The following RAPGEF4 variants were observed in gnomAD, a reference collection of about 807,000 sequenced individuals.
RAPGEF4 encodes the protein Rap guanine nucleotide exchange factor 4.
In RAPGEF4, 66 loss-of-function variants were observed where a neutral mutation model predicts 147.9. The ratio of observed to expected loss-of-function variants is 0.45; its 90% CI spans 0.37 to 0.55. The LOEUF (loss-of-function observed/expected upper bound fraction) is 0.55, where lower values mean the gene tolerates loss of function less well. Ranked by LOEUF, RAPGEF4 falls within the 20% of genes least tolerant of loss-of-function variation. The pLI is 0.00. For synonymous variants in RAPGEF4, 419 were observed against 442.7 expected (o/e 0.95, Z 0.67); for missense variants, 1,071 against 1,257.3 (o/e 0.85, Z 2.24).
chr2:172,794,360 AAAAAAG>A (rs1489450854), intron 1 of RAPGEF4, among the ~76,000 whole-genome samples: 11 of 150,452 alleles, frequency 7.3e-5, no homozygotes, highest in African/African-American at 1.5e-4. Flanking sequence ...AAAAAAAAAA[AAAAAAG>A]AAAAAAGAAA....
At chr2:172,937,037 C>CAA (rs34104170) in intron 6 of RAPGEF4, among the ~76,000 whole-genome samples, 24,046 of 52,356 alleles carry the variant, frequency 0.46, 7,589 homozygotes, top group East Asian at 0.57. Flanking sequence ...CCTCTCTCTG[C>CAA]AAAAAAAAAA....
intron 4 of RAPGEF4, among the ~76,000 whole-genome samples, chr2:172,847,566 A>C (rs999091090): frequency 1.1e-4 from 16 of 152,138 alleles, no homozygotes; most frequent in Non-Finnish European, 8.8e-5. Context: ...CACTGGGCTG[A>C]AGGTGGAAGT....
At chr2:172,846,693 C>T (rs1463872513) in intron 4 of RAPGEF4, among the ~76,000 whole-genome samples, 1 of 152,164 alleles carries the variant, frequency 6.6e-6, no homozygotes, top group Non-Finnish European at 1.5e-5. Context: ...GAATATGGTC[C>T]TGCATTCTTG....
intron 4 of RAPGEF4, among the ~76,000 whole-genome samples, chr2:172,851,884 A>G (rs1308156890): frequency 6.6e-6 from 1 of 152,200 alleles, no homozygotes; most frequent in African/African-American, 2.4e-5. Flanking sequence ...ATGAAATAAT[A>G]TATACATCAA....
At chr2:172,845,112 C>T (rs1279405969) in intron 4 of RAPGEF4, among the ~76,000 whole-genome samples, 1 of 152,174 alleles carries the variant, frequency 6.6e-6, no homozygotes, top group East Asian at 1.9e-4. Flanking sequence ...GGAAGTGTCA[C>T]TGACTGTAGT....
intron 1 of RAPGEF4, among the ~76,000 whole-genome samples, chr2:172,768,970 C>A (rs539417806): frequency 6.6e-6 from 1 of 152,302 alleles, no homozygotes; most frequent in Non-Finnish European, 1.5e-5. Context: ...GAGCATGCCA[C>A]CCACAGAAGC....
intron 4 of RAPGEF4, among the ~76,000 whole-genome samples, chr2:172,902,169 G>A (rs1354413193): frequency 6.6e-6 from 1 of 152,158 alleles, no homozygotes; most frequent in Admixed American, 6.5e-5. Context: ...GAATGAATAG[G>A]GGAGGCGAGT....
intron 4 of RAPGEF4, among the ~76,000 whole-genome samples, chr2:172,893,500 C>T (rs1159572578): frequency 1.3e-5 from 2 of 152,146 alleles, no homozygotes; most frequent in Non-Finnish European, 2.9e-5. Context: ...ATGGCTGCCC[C>T]GAATCATGGG....
At chr2:172,992,746 A>C (rs1021160375) in intron 15 of RAPGEF4, among the ~76,000 whole-genome samples, 12 of 152,158 alleles carry the variant, frequency 7.9e-5, no homozygotes, top group Non-Finnish European at 1.6e-4. Context: ...TCCAATCCAA[A>C]TTTCTTCCGC....
At chr2:172,806,488 A>G (rs1415137316) in intron 3 of RAPGEF4, among the ~76,000 whole-genome samples, 1 of 152,242 alleles carries the variant, frequency 6.6e-6, no homozygotes, top group African/African-American at 2.4e-5. Context: ...GAGCTGATGT[A>G]TGTAAAGCAC....
intron 29 of RAPGEF4, among the ~76,000 whole-genome samples, chr2:173,043,468 T>G (rs1575592423): frequency 6.6e-6 from 1 of 151,862 alleles, no homozygotes; most frequent in Non-Finnish European, 1.5e-5. Flanking sequence ...GAGCGGGAGG[T>G]CCTAGAGTGG....
intron 17 of RAPGEF4, among the ~76,000 whole-genome samples, chr2:173,008,849 T>C (rs922769133): frequency 6.6e-6 from 1 of 152,294 alleles, no homozygotes; most frequent in Non-Finnish European, 1.5e-5. Context: ...GGTAAAAATA[T>C]ATGAAATAAT....
chr2:172,940,770 C>T (rs904204746), intron 6 of RAPGEF4, among the ~76,000 whole-genome samples: 2 of 152,080 alleles, frequency 1.3e-5, no homozygotes, highest in African/African-American at 4.8e-5. Context: ...GAATAGATTC[C>T]TGGGATTTCG....
intron 25 of RAPGEF4, 146 bp from the exon 26 acceptor site, chr2:173,030,018 C>T: frequency 1.8e-6 from 1 of 565,648 alleles, no homozygotes; most frequent in Non-Finnish European, 3.2e-6. Context: ...CCAAGTGGAA[C>T]TTTTACAGTA....
intron 6 of RAPGEF4, among the ~76,000 whole-genome samples, chr2:172,960,245 G>C (rs1361173794): frequency 6.6e-6 from 1 of 152,172 alleles, no homozygotes; most frequent in Non-Finnish European, 1.5e-5. Context: ...AGGAGCTTGA[G>C]TGCATAGAAC....
At chr2:172,892,980 A>T (rs1365452178) in intron 4 of RAPGEF4, among the ~76,000 whole-genome samples, 1 of 152,228 alleles carries the variant, frequency 6.6e-6, no homozygotes, top group African/African-American at 2.4e-5. Flanking sequence ...AATTAGAGAT[A>T]TTCTTTACAT....
At chr2:173,002,215 T>G (rs1694003805) in intron 17 of RAPGEF4, among the ~76,000 whole-genome samples, 1 of 152,168 alleles carries the variant, frequency 6.6e-6, no homozygotes, top group Non-Finnish European at 1.5e-5. Flanking sequence ...ATAACTTTCT[T>G]TTCCCATTCA....
chr2:172,809,096 C>T (rs1029625084), intron 3 of RAPGEF4, among the ~76,000 whole-genome samples: 1 of 152,130 alleles, frequency 6.6e-6, no homozygotes, highest in Admixed American at 6.5e-5. Context: ...ATCTGGGGGG[C>T]ATCCATGATG....
intron 4 of RAPGEF4, among the ~76,000 whole-genome samples, chr2:172,840,670 T>C (rs1001996943): frequency 2.0e-5 from 3 of 152,224 alleles, no homozygotes; most frequent in Non-Finnish European, 4.4e-5. Flanking sequence ...CAGTTAGATA[T>C]GGATTTATTT....
Sources: allele counts gnomAD v4.1 joint callset (sites outside exome capture counted in the v4.1 genomes callset), GRCh38; gene constraint gnomAD v4.1.1; transcripts MANE v1.5; gene names NCBI Gene and HGNC (gene_info 2026-07-23, HGNC 2026-07-21).